The following PEAK1 variants were observed in gnomAD, a reference collection of about 807,000 sequenced individuals.
PEAK1 encodes inactive tyrosine-protein kinase PEAK1.
Under a neutral mutation model 124.7 loss-of-function variants are expected in PEAK1, and 54 were observed. The ratio of observed to expected loss-of-function variants is 0.43; its 90% CI spans 0.35 to 0.54. PEAK1 has a LOEUF of 0.54. Among genes scored for constraint, PEAK1 ranks in the 20% least tolerant of loss-of-function variants. The pLI, the probability that PEAK1 is intolerant of heterozygous loss-of-function variation, is 0.01. For missense variants in PEAK1, 2,046 were observed against 2,134.5 expected, an observed-to-expected ratio of 0.96 and a Z score of 0.82; for synonymous variants, 719 against 760.0, an observed-to-expected ratio of 0.95 and a Z score of 0.89.
intron 1 of PEAK1, among the ~76,000 whole-genome samples, chr15:77,367,098 T>A (rs1265015947): frequency 6.6e-6 from 1 of 152,132 alleles, no homozygotes; most frequent in Admixed American, 6.5e-5. Flanking sequence ...CATGCCACTG[T>A]ACTCCAGCCT....
At chr15:77,395,757 C>A (rs768316844) in intron 1 of PEAK1, among the ~76,000 whole-genome samples, 8 of 151,920 alleles carry the variant, frequency 5.3e-5, no homozygotes, top group Non-Finnish European at 1.2e-4. Flanking sequence ...CTTTCCCAGA[C>A]AAACAAAAGT....
chr15:77,258,115 G>C (rs1192218333), intron 5 of PEAK1, among the ~76,000 whole-genome samples: 1 of 152,174 alleles, frequency 6.6e-6, no homozygotes, highest in African/African-American at 2.4e-5. Context: ...GTACCATGCT[G>C]TTTTGGTTAC....
chr15:77,215,067 G>A (rs894920307), intron 6 of PEAK1, among the ~76,000 whole-genome samples: 24 of 152,086 alleles, frequency 1.6e-4, no homozygotes, highest in African/African-American at 5.6e-4. Flanking sequence ...TCCCACTTGC[G>A]ATATATGAGA....
At chr15:77,235,110 G>C (rs1221070479) in intron 6 of PEAK1, among the ~76,000 whole-genome samples, 1 of 152,050 alleles carries the variant, frequency 6.6e-6, no homozygotes, top group Non-Finnish European at 1.5e-5. Context: ...AAAACTGTGA[G>C]TAAATTAAGC....
intron 9 of PEAK1, among the ~76,000 whole-genome samples, chr15:77,127,041 A>G (rs905842542): frequency 2.6e-5 from 4 of 152,190 alleles, no homozygotes; most frequent in African/African-American, 9.6e-5. Context: ...CAAGGAGGTA[A>G]TTAATTAAAA....
intron 1 of PEAK1, among the ~76,000 whole-genome samples, chr15:77,373,636 C>G (rs2068798231): frequency 6.6e-6 from 1 of 152,194 alleles, no homozygotes; most frequent in Non-Finnish European, 1.5e-5. Flanking sequence ...AAGCCTGACA[C>G]AGCATAAAGG....
chr15:77,269,661 C>G (rs1376086824), intron 5 of PEAK1, among the ~76,000 whole-genome samples: 17 of 152,134 alleles, frequency 1.1e-4, no homozygotes, highest in African/African-American at 3.9e-4. Flanking sequence ...ATTTACATAA[C>G]ATTCTACCCA....
chr15:77,241,838 T>C (rs2060372464), intron 6 of PEAK1, among the ~76,000 whole-genome samples: 1 of 151,854 alleles, frequency 6.6e-6, no homozygotes, highest in South Asian at 2.1e-4. Flanking sequence ...AAGACCAAAA[T>C]AAATGGAGAG....
intron 9 of PEAK1, among the ~76,000 whole-genome samples, chr15:77,116,708 CTATCT>C (rs2051413387): frequency 4.0e-5 from 2 of 50,036 alleles, no homozygotes; most frequent in Admixed American, 1.7e-4. Context: ...ATCAATCTAT[CTATCT>C]ATCTATCTAT....
intron 2 of PEAK1, chr15:77,348,875 C>G (rs2067036187): frequency 1.1e-6 from 1 of 941,028 alleles, no homozygotes; most frequent in Non-Finnish European, 1.3e-6. Context: ...CTCCTGGGCC[C>G]AAGCAATCCT....
intron 1 of PEAK1, among the ~76,000 whole-genome samples, chr15:77,374,704 G>A (rs1349303318): frequency 6.6e-6 from 1 of 151,994 alleles, no homozygotes; most frequent in African/African-American, 2.4e-5. Flanking sequence ...TATTCATGCT[G>A]TAGGCAGTTT....
intron 1 of PEAK1, among the ~76,000 whole-genome samples, chr15:77,366,453 A>G (rs1298105247): frequency 6.6e-6 from 1 of 152,136 alleles, no homozygotes; most frequent in Non-Finnish European, 1.5e-5. Context: ...ACTGACAGCT[A>G]CAAGTGATAA....
At chr15:77,384,425 C>G (rs954902752) in intron 1 of PEAK1, among the ~76,000 whole-genome samples, 1 of 152,162 alleles carries the variant, frequency 6.6e-6, no homozygotes, top group African/African-American at 2.4e-5. Context: ...AGTTCCTCCC[C>G]TGAATGGTAT....
At chr15:77,297,838 C>CATG (rs1464842803) in intron 2 of PEAK1, among the ~76,000 whole-genome samples, 2 of 148,608 alleles carry the variant, frequency 1.3e-5, no homozygotes, top group Non-Finnish European at 3.0e-5. Context: ...GCGGGTGGAT[C>CATG]ATGAGGTCAG....
intron 6 of PEAK1, among the ~76,000 whole-genome samples, chr15:77,192,602 C>T (rs2057891553): frequency 1.3e-5 from 2 of 152,194 alleles, no homozygotes; most frequent in African/African-American, 4.8e-5. Flanking sequence ...AGCCCAAACA[C>T]CTCCCAGTGG....
At chr15:77,237,389 T>C (rs2060168849) in intron 6 of PEAK1, among the ~76,000 whole-genome samples, 1 of 150,832 alleles carries the variant, frequency 6.6e-6, no homozygotes, top group South Asian at 2.1e-4. Context: ...AAAATGTTTG[T>C]TATTTCCCAT....
chr15:77,129,479 T>C (rs1462749267), intron 9 of PEAK1, among the ~76,000 whole-genome samples: 1 of 151,884 alleles, frequency 6.6e-6, no homozygotes, highest in Non-Finnish European at 1.5e-5. Flanking sequence ...TCCCACTCTG[T>C]TGCCCAGGCT....
At position 77,108,447 on chromosome 15, in the gene PEAK1, G is replaced by GT. The variant is rs1384577893; in HGVS notation, c.*5708dup. The GT allele has an allele frequency of 6.6e-6, 1 of 152,206 alleles. No individual in the cohort carries two copies. The highest frequency in any genetic ancestry group is 2.4e-5 in the African/African-American group (1 of 41,458). The allele number at this position is 152,206 out of a possible 1,614,324, so 9.4% of individuals were successfully genotyped here. ...CCAAGTAGAATGAAATCTTGCTTCT[G>GT]TATTTGCCTCATGCCAAAATGCCCT... is the stretch of plus-strand genomic sequence containing the variant. On this transcript the variant is annotated 3_prime_UTR_variant, in exon 10 of 10. Coordinates refer to ENST00000682557, the MANE Select transcript of PEAK1 (RefSeq NM_001385026.1).
At chr15:77,265,492 G>A (rs963111813) in intron 5 of PEAK1, among the ~76,000 whole-genome samples, 3 of 152,156 alleles carry the variant, frequency 2.0e-5, no homozygotes, top group Non-Finnish European at 4.4e-5. Context: ...GCAGACAAAA[G>A]ACACATGAAA....
Sources: gnomAD v4.1 joint callset for allele counts (sites outside exome capture counted in the v4.1 genomes callset) on GRCh38, gnomAD v4.1.1 for gene constraint, MANE v1.5 for transcripts, NCBI Gene and HGNC (gene_info 2026-07-23, HGNC 2026-07-21) for gene names.